KIAA1671: variants seen among roughly 807,000 people sequenced by gnomAD.
KIAA1671 encodes the protein KIAA1671.
Under a neutral mutation model 131.2 loss-of-function variants are expected in KIAA1671, and 52 were observed. The observed-to-expected ratio is 0.40, with a 90% CI of 0.32 to 0.50. The LOEUF (loss-of-function observed/expected upper bound fraction) is 0.50, where lower values mean the gene tolerates loss of function less well. Ranked by LOEUF, KIAA1671 falls within the 20% of genes least tolerant of loss-of-function variation. KIAA1671 has a pLI of 0.73. For synonymous variants in KIAA1671, 1,003 were observed against 961.6 expected (o/e 1.04, Z -0.80); for missense variants, 2,360 against 2,364.2 (o/e 1.00, Z 0.04).
chr22:25,019,569 A>G (rs1475699625), intron 1 of KIAA1671, among the ~76,000 whole-genome samples: 1 of 151,936 alleles, frequency 6.6e-6, no homozygotes, highest in Non-Finnish European at 1.5e-5. Flanking sequence ...TTAAAAATTT[A>G]TCAACAAGTC....
chr22:25,108,269 A>G (rs1931133190), intron 6 of KIAA1671, among the ~76,000 whole-genome samples: 1 of 152,106 alleles, frequency 6.6e-6, no homozygotes, highest in South Asian at 2.1e-4. Context: ...ACCCCAGTGG[A>G]TTTCCCACCC....
chr22:25,166,319 C>T (rs1260802419), intron 6 of KIAA1671, among the ~76,000 whole-genome samples: 1 of 152,038 alleles, frequency 6.6e-6, no homozygotes, highest in South Asian at 2.1e-4. Context: ...GAGTTCAGAT[C>T]CCTGAACCTG....
At chr22:24,968,805 T>A (rs1171616252) in intron 1 of KIAA1671, among the ~76,000 whole-genome samples, 3 of 152,208 alleles carry the variant, frequency 2.0e-5, no homozygotes, top group Non-Finnish European at 4.4e-5. Context: ...ATGAGATGAC[T>A]CTCTTTTTAT....
At chr22:25,150,543 C>T (rs1177360119) in intron 6 of KIAA1671, among the ~76,000 whole-genome samples, 1 of 152,162 alleles carries the variant, frequency 6.6e-6, no homozygotes, top group Non-Finnish European at 1.5e-5. Context: ...TCCCCCGACA[C>T]CCCAACACCC....
At chr22:25,094,161 A>G (rs1417521822) in intron 6 of KIAA1671, among the ~76,000 whole-genome samples, 1 of 152,114 alleles carries the variant, frequency 6.6e-6, no homozygotes, top group Non-Finnish European at 1.5e-5. Flanking sequence ...AGCTCCAAAC[A>G]GGGCATTTTC....
At chr22:25,079,369 A>G (rs1929281841) in intron 6 of KIAA1671, among the ~76,000 whole-genome samples, 2 of 151,942 alleles carry the variant, frequency 1.3e-5, no homozygotes, top group Non-Finnish European at 2.9e-5. Context: ...ACCTGTGATT[A>G]TAGGGGCCCG....
chr22:24,988,318 C>T (rs1316546393), intron 1 of KIAA1671, among the ~76,000 whole-genome samples: 3 of 151,406 alleles, frequency 2.0e-5, no homozygotes, highest in Non-Finnish European at 4.4e-5. Context: ...TGGATCTCAG[C>T]CCCCCAAACT....
chr22:25,138,272 G>T (rs1601348129), intron 6 of KIAA1671, among the ~76,000 whole-genome samples: 1 of 152,354 alleles, frequency 6.6e-6, no homozygotes, highest in East Asian at 1.9e-4. Flanking sequence ...GATGGAAGGA[G>T]ATCATGGCCA....
intron 6 of KIAA1671, among the ~76,000 whole-genome samples, chr22:25,075,698 C>T (rs545609214): frequency 2.9e-4 from 43 of 150,544 alleles, no homozygotes; most frequent in Non-Finnish European, 5.0e-4. Context: ...GGGGTTTCAC[C>T]GTGTTAGCCA....
intron 6 of KIAA1671, among the ~76,000 whole-genome samples, chr22:25,151,546 C>T (rs182906136): frequency 2.8e-4 from 43 of 151,184 alleles, no homozygotes; most frequent in African/African-American, 6.6e-4. Flanking sequence ...ATTCTCATGC[C>T]GCAGCCTCTC....
chr22:25,174,275 C>G lies in KIAA1671; in HGVS notation c.4685C>G (p.Ser1562Trp). ...GAGTCCCCAGATAGCAGTGCCACAT[C>G]GACAAGGAAACAGCCCCCCAGCAGC... ...ATESPDSSAT[S>W]TRKQPPSSRL... is the part of the protein sequence containing the mutation. Residue 1562 changes from serine to tryptophan, a missense_variant, in exon 8 of 13, where the codon TCG becomes TGG. Around this residue, in one of 3 missense-constraint regions of KIAA1671, gnomAD observed 1,161 missense variants for 1,204.7 expected, o/e 0.96. Coordinates refer to ENST00000358431, the MANE Select transcript of KIAA1671 (RefSeq NM_001145206.2). The G allele has an allele frequency of 6.4e-7, 1 of 1,551,716 alleles. No individual in the cohort carries two copies. The highest frequency in any genetic ancestry group is 8.7e-7 in the Non-Finnish European group (1 of 1,147,004).
intron 5 of KIAA1671, 36 bp from the exon 6 acceptor site, chr22:25,049,194 C>G (rs1927401121): frequency 1.3e-6 from 2 of 1,536,156 alleles, no homozygotes; most frequent in East Asian, 2.5e-5. Flanking sequence ...TGAGAAGGCT[C>G]CCAGTAAAGT....
chr22:25,135,616 C>T (rs1339762556), intron 6 of KIAA1671, among the ~76,000 whole-genome samples: 2 of 152,196 alleles, frequency 1.3e-5, no homozygotes, highest in African/African-American at 4.8e-5. Flanking sequence ...GACTAATTAA[C>T]ACCTCTTAAT....
In KIAA1671 at chr22:25,040,423, G is replaced by A. The variant is rs939695016; in HGVS notation, c.3293G>A (p.Ser1098Asn). 2 of 1,552,018 alleles carry A rather than the reference G, an allele frequency of 1.3e-6. No homozygotes were observed. The highest frequency in any genetic ancestry group is 1.7e-6 in the Non-Finnish European group (2 of 1,147,064). Residue 1098 changes from serine to asparagine, a missense_variant, in exon 5 of 13, where the codon AGC becomes AAC. Ser to Asn is a conservative substitution (Grantham distance 46). Transcript: ENST00000358431. ...WMKGREHENA[S>N]ILKTLKPTDR... Reference sequence around the variant, plus strand: ...AAGGGACGAGAGCATGAAAATGCAAGCATTTTAAAAACTCTGAAGCCAACA... The same window carrying A: ...AAGGGACGAGAGCATGAAAATGCAAACATTTTAAAAACTCTGAAGCCAACA...
chr22:24,968,855 T>C (rs575461138), intron 1 of KIAA1671, among the ~76,000 whole-genome samples: 4 of 152,312 alleles, frequency 2.6e-5, no homozygotes, highest in Admixed American at 1.3e-4. Flanking sequence ...TTGTCCTTAT[T>C]ATGCAGCAAT....
chr22:25,090,963 G>A (rs1240975428), intron 6 of KIAA1671, among the ~76,000 whole-genome samples: 1 of 152,204 alleles, frequency 6.6e-6, no homozygotes, highest in Admixed American at 6.5e-5. Context: ...GTTCACTGCT[G>A]TATCCCTGGA....
rs112816929 is a variant in KIAA1671, at chr22:25,032,596, A to T, written c.1542-13A>T. ...TTCCAGCTCCATGAAGGTAACTCAG[A>T]TCTCTGTACCAGGTTTTCAAGTTCA... On this transcript the variant is annotated splice_polypyrimidine_tract_variant and intron_variant, in intron 3 of 12. Coordinates refer to ENST00000358431, the MANE Select transcript of KIAA1671 (RefSeq NM_001145206.2). The T allele has an allele frequency of 1.9e-5, 29 of 1,525,740 alleles. No individual in the cohort carries two copies. In the African/African-American group the frequency reaches 2.6e-4, roughly 14 times the overall value. The allele number at this position is 1,525,740 out of a possible 1,614,324, so 94.5% of individuals were successfully genotyped here. A position where few individuals can be genotyped will look rare whatever the true frequency, so the allele number is the denominator to read the frequency against.
At chr22:25,180,323 G>A (rs181483887) in intron 9 of KIAA1671, among the ~76,000 whole-genome samples, 3 of 152,322 alleles carry the variant, frequency 2.0e-5, no homozygotes, top group East Asian at 1.9e-4. Flanking sequence ...GGTGGATCAC[G>A]AGGTCAGAAG....
At chr22:24,965,020 A>C (rs930083483) in intron 1 of KIAA1671, among the ~76,000 whole-genome samples, 30 of 152,016 alleles carry the variant, frequency 2.0e-4, no homozygotes, top group African/African-American at 7.0e-4. Flanking sequence ...CAGAAAGAAG[A>C]TGACAAAATT....
Sources: gnomAD v4.1 joint callset for allele counts (sites outside exome capture counted in the v4.1 genomes callset) on GRCh38, gnomAD v4.1.1 for gene constraint, gnomAD v4.1.1 regional missense constraint, MANE v1.5 for transcripts, NCBI Gene and HGNC (gene_info 2026-07-23, HGNC 2026-07-21) for gene names.